Variants in STX18 observed in about 807,000 individuals in gnomAD.
STX18 encodes syntaxin-18.
STX18 carries 40 observed loss-of-function variants against 50.1 expected under a neutral mutation model. The ratio of observed to expected loss-of-function variants is 0.80; its 90% CI spans 0.62 to 1.04. The LOEUF (loss-of-function observed/expected upper bound fraction) is 1.04. STX18 is among the 50% of genes least tolerant of loss of function. The pLI, the probability that STX18 is intolerant of heterozygous loss-of-function variation, is 0.00. For missense variants in STX18, 410 were observed against 415.8 expected, an observed-to-expected ratio of 0.99 and a Z score of 0.12; for synonymous variants, 158 against 151.8, an observed-to-expected ratio of 1.04 and a Z score of -0.30.
At chr4:4,437,461 T>C (rs1381761672) in intron 6 of STX18, 6 of 220,024 alleles carry the variant, frequency 2.7e-5, no homozygotes, top group African/African-American at 1.4e-4. Flanking sequence ...TTCCAGATTT[T>C]AGTTTTCAGA....
chr4:4,498,958 G>C (rs1391579863), intron 1 of STX18, among the ~76,000 whole-genome samples: 1 of 152,128 alleles, frequency 6.6e-6, no homozygotes, highest in Non-Finnish European at 1.5e-5. Context: ...GCATATACTA[G>C]CTCTAGAATT....
At chr4:4,528,770 T>C (rs1436522000) in intron 1 of STX18, among the ~76,000 whole-genome samples, 2 of 152,196 alleles carry the variant, frequency 1.3e-5, no homozygotes, top group East Asian at 1.9e-4. Flanking sequence ...GGCCCTTCCC[T>C]GGGAGAAGCC....
intron 5 of STX18, among the ~76,000 whole-genome samples, chr4:4,442,278 C>T (rs1726152672): frequency 6.6e-6 from 1 of 151,852 alleles, no homozygotes; most frequent in Non-Finnish European, 1.5e-5. Flanking sequence ...AGGTAAATTC[C>T]AAATGCATCA....
chr4:4,447,020 T>A (rs1726445891), intron 5 of STX18, among the ~76,000 whole-genome samples: 1 of 152,200 alleles, frequency 6.6e-6, no homozygotes, highest in South Asian at 2.1e-4. Context: ...GAAAAGCCAG[T>A]TAAAAACCTA....
At chr4:4,447,460 G>C (rs541987378) in intron 5 of STX18, among the ~76,000 whole-genome samples, 1 of 151,372 alleles carries the variant, frequency 6.6e-6, no homozygotes, top group South Asian at 2.1e-4. Context: ...GCGTGGTAGC[G>C]GGCGCCTGTA....
At chr4:4,484,382 C>T (rs1334247786) in intron 1 of STX18, among the ~76,000 whole-genome samples, 2 of 152,208 alleles carry the variant, frequency 1.3e-5, no homozygotes, top group African/African-American at 4.8e-5. Flanking sequence ...TGCTCACCTT[C>T]ATGTCACTGA....
chr4:4,462,379 A>C (rs75388396), intron 2 of STX18, among the ~76,000 whole-genome samples: 2,315 of 152,336 alleles, frequency 0.015, 50 homozygotes, highest in African/African-American at 0.053. Flanking sequence ...AAAAAAGAAA[A>C]CTAGCACAAA....
chr4:4,501,518 C>T (rs1030621284), intron 1 of STX18, among the ~76,000 whole-genome samples: 1 of 152,220 alleles, frequency 6.6e-6, no homozygotes, highest in Non-Finnish European at 1.5e-5. Context: ...AATAAGACCT[C>T]AGTTTCCTCA....
chr4:4,484,721 T>A (rs1728625020), intron 1 of STX18, among the ~76,000 whole-genome samples: 1 of 152,052 alleles, frequency 6.6e-6, no homozygotes, highest in Non-Finnish European at 1.5e-5. Context: ...ACAAATATTC[T>A]CCTCCCCTAC....
rs1289503765 is a variant in STX18, at chr4:4,484,917, A to C, written c.169-13211T>G. On this transcript the variant is annotated intron_variant, in intron 1 of 10. Transcript: ENST00000306200. ...AGGCACATTAAGGACGGAGGTAATA[A>C]AGAAAAGAGGAAGGGAGGAGGGAGA... is the stretch of plus-strand genomic sequence containing the variant. Among the ~76,000 whole-genome samples, 4 of 152,248 alleles carry C rather than the reference A, an allele frequency of 2.6e-5. No individual in the cohort carries two copies. The East Asian group carries it at 7.7e-4, about 29-fold the overall frequency.
intron 1 of STX18, among the ~76,000 whole-genome samples, chr4:4,472,506 C>T (rs948742033): frequency 6.6e-6 from 1 of 152,210 alleles, no homozygotes; most frequent in Non-Finnish European, 1.5e-5. Context: ...TCCAAACACA[C>T]GTGGCCCCAG....
chr4:4,469,409 A>G (rs1197909887), intron 2 of STX18, among the ~76,000 whole-genome samples: 5 of 150,616 alleles, frequency 3.3e-5, no homozygotes, highest in African/African-American at 1.0e-4. Context: ...CATGTTTGGC[A>G]CTGACGTGAA....
intron 1 of STX18, among the ~76,000 whole-genome samples, chr4:4,504,422 C>A (rs956001689): frequency 2.0e-5 from 3 of 152,018 alleles, no homozygotes; most frequent in East Asian, 1.9e-4. Context: ...CTGTTTTGTG[C>A]CAGACTTTAT....
chr4:4,477,961 G>A (rs567311270), intron 1 of STX18: 3 of 152,112 alleles, frequency 2.0e-5, no homozygotes, highest in East Asian at 1.9e-4. Flanking sequence ...CCTCCATAAC[G>A]ATCGTACGAA....
intron 7 of STX18, among the ~76,000 whole-genome samples, chr4:4,429,510 G>A (rs1725418362): frequency 6.6e-6 from 1 of 152,168 alleles, no homozygotes; most frequent in South Asian, 2.1e-4. Flanking sequence ...GAGGAGCACA[G>A]GGGGACCATC....
intron 7 of STX18, among the ~76,000 whole-genome samples, chr4:4,432,926 T>G (rs1271150654): frequency 1.3e-5 from 2 of 152,230 alleles, no homozygotes; most frequent in Non-Finnish European, 2.9e-5. Context: ...TGCACAACTA[T>G]GCTTACAATG....
At chr4:4,484,008 C>CAT (rs1728582061) in intron 1 of STX18, among the ~76,000 whole-genome samples, 4 of 152,116 alleles carry the variant, frequency 2.6e-5, no homozygotes, top group Admixed American at 2.6e-4. Context: ...ACTACAGGTG[C>CAT]GTGCCACCAT....
chr4:4,467,353 T>C (rs947791935), intron 2 of STX18, among the ~76,000 whole-genome samples: 4 of 152,210 alleles, frequency 2.6e-5, no homozygotes, highest in African/African-American at 9.6e-5. Flanking sequence ...CGACTAGTAA[T>C]GATCAAGGGC....
chr4:4,456,718 CTTG>C (rs1236129043), intron 5 of STX18, among the ~76,000 whole-genome samples: 1 of 152,184 alleles, frequency 6.6e-6, no homozygotes, highest in African/African-American at 2.4e-5. Context: ...TGGTGGCCTG[CTTG>C]TTGTGCCCTC....
Sources: allele counts gnomAD v4.1 joint callset (sites outside exome capture counted in the v4.1 genomes callset), GRCh38; gene constraint gnomAD v4.1.1; transcripts MANE v1.5; gene names NCBI Gene and HGNC (gene_info 2026-07-23, HGNC 2026-07-21).